Variants in ZHX2 observed in about 807,000 individuals in gnomAD.
The protein encoded by ZHX2 is zinc fingers and homeoboxes protein 2.
In ZHX2, 6 loss-of-function variants were observed where a neutral mutation model predicts 21.9. The observed-to-expected ratio is 0.27, with a 90% CI of 0.15 to 0.54. The LOEUF (loss-of-function observed/expected upper bound fraction) is 0.54. ZHX2 is among the 20% of genes least tolerant of loss of function. The pLI, the probability that ZHX2 is intolerant of heterozygous loss-of-function variation, is 0.95. For synonymous variants in ZHX2, 434 were observed against 437.1 expected (o/e 0.99, Z 0.09); for missense variants, 908 against 1,090.7 (o/e 0.83, Z 2.36).
chr8:122,921,745 A>G (rs1820746775), intron 2 of ZHX2, among the ~76,000 whole-genome samples: 1 of 152,162 alleles, frequency 6.6e-6, no homozygotes, highest in African/African-American at 2.4e-5. Context: ...TATCAACTCA[A>G]TTGTGGTGAG....
At chr8:122,837,361 G>A (rs1818525921) in intron 1 of ZHX2, among the ~76,000 whole-genome samples, 1 of 152,120 alleles carries the variant, frequency 6.6e-6, no homozygotes, top group Admixed American at 6.5e-5. Flanking sequence ...AACCCCATCT[G>A]AGCAATGGGT....
chr8:122,965,493 T>C (rs1813557841), intron 3 of ZHX2, among the ~76,000 whole-genome samples: 1 of 152,204 alleles, frequency 6.6e-6, no homozygotes, highest in Non-Finnish European at 1.5e-5. Flanking sequence ...CCAATGTTAT[T>C]CCACTGTAGT....
At chr8:122,964,298 A>G (rs1360422051) in intron 3 of ZHX2, among the ~76,000 whole-genome samples, 1 of 152,126 alleles carries the variant, frequency 6.6e-6, no homozygotes, top group East Asian at 1.9e-4. Flanking sequence ...GATGGCTTTT[A>G]TTACCTCAAG....
chr8:122,962,328 T>C (rs1462506088), intron 3 of ZHX2, among the ~76,000 whole-genome samples: 1 of 152,184 alleles, frequency 6.6e-6, no homozygotes, highest in Non-Finnish European at 1.5e-5. Flanking sequence ...TCTTATGCCT[T>C]TGCTTCCTCA....
chr8:122,898,554 C>T (rs926709167), intron 2 of ZHX2, among the ~76,000 whole-genome samples: 18 of 152,146 alleles, frequency 1.2e-4, no homozygotes, highest in Non-Finnish European at 2.1e-4. Context: ...ATTGTCTTCC[C>T]GTCTCCCCTT....
At chr8:122,792,790 C>T (rs1270994006) in intron 1 of ZHX2, among the ~76,000 whole-genome samples, 2 of 152,132 alleles carry the variant, frequency 1.3e-5, no homozygotes, top group Non-Finnish European at 2.9e-5. Flanking sequence ...AGGTACCCAG[C>T]GTGCAAAATT....
intron 2 of ZHX2, among the ~76,000 whole-genome samples, chr8:122,912,965 C>G (rs1278756190): frequency 6.6e-6 from 1 of 152,156 alleles, no homozygotes; most frequent in Non-Finnish European, 1.5e-5. Context: ...GCGACCATCA[C>G]CATAATTTTA....
intron 1 of ZHX2, among the ~76,000 whole-genome samples, chr8:122,796,802 A>T (rs1817621223): frequency 6.6e-6 from 1 of 152,184 alleles, no homozygotes; most frequent in African/African-American, 2.4e-5. Flanking sequence ...CTATATAGTG[A>T]CAAGACAAAG....
chr8:122,961,698 C>A (rs1270920231), intron 3 of ZHX2, among the ~76,000 whole-genome samples: 1 of 152,112 alleles, frequency 6.6e-6, no homozygotes, highest in Non-Finnish European at 1.5e-5. Context: ...CATGAGAACT[C>A]ACTCACTATC....
intron 1 of ZHX2, among the ~76,000 whole-genome samples, chr8:122,818,676 A>C (rs970481664): frequency 1.3e-5 from 2 of 152,228 alleles, no homozygotes; most frequent in African/African-American, 2.4e-5. Context: ...TCTTACGATG[A>C]AACTTGGCAT....
At position 122,953,724 on chromosome 8, in the gene ZHX2, C is replaced by G. The variant is rs749127429; in HGVS notation, c.2214C>G (p.Cys738Trp). 6.2e-7 allele frequency: 1 copy of G among 1,614,188 alleles called. No homozygotes were observed. The highest frequency in any genetic ancestry group is 8.5e-7 in the Non-Finnish European group (1 of 1,180,046). ...ATTACAAGGACCCCAAAAAGCTCTG[C>G]GAAGAGGACTTGGAGAAGTTGGTGA... is the stretch of plus-strand genomic sequence containing the variant. ...PQYYKDPKKL[C>W]EEDLEKLVTR... The change falls in exon 3 of 4, where the codon TGC becomes TGG. Residue 738 changes from cysteine to tryptophan, a missense_variant. Cys to Trp is a radical substitution (Grantham distance 215). Transcript: ENST00000314393. This position sits in a 1 kb window ranked among gnomAD's most constrained non-coding sequence, Gnocchi z 4.6.
At chr8:122,875,441 G>A (rs745410278) in intron 2 of ZHX2, among the ~76,000 whole-genome samples, 1 of 152,076 alleles carries the variant, frequency 6.6e-6, no homozygotes, top group Non-Finnish European at 1.5e-5. Flanking sequence ...AAAGAACACA[G>A]GCAGTAGTGT....
intron 1 of ZHX2, among the ~76,000 whole-genome samples, chr8:122,793,291 C>A (rs1817555377): frequency 6.6e-6 from 1 of 152,166 alleles, no homozygotes; most frequent in South Asian, 2.1e-4. Flanking sequence ...ACCCAGGGAC[C>A]AGGAAGTGGC....
chr8:122,804,122 A>AT (rs904867758), intron 1 of ZHX2, among the ~76,000 whole-genome samples: 13 of 152,094 alleles, frequency 8.5e-5, no homozygotes, highest in Admixed American at 2.6e-4. Flanking sequence ...ATATTTATTT[A>AT]TTTTTTGAGA....
In ZHX2 at chr8:122,909,494, C is replaced by T. The variant is rs190665231; in HGVS notation, c.-219-41798C>T. Reference sequence around the variant, plus strand: ...GGGACAACTTTGTGAATACTCGTTGCTCTTTAATTTTTAGAGTTTGCATCC... The same window carrying T: ...GGGACAACTTTGTGAATACTCGTTGTTCTTTAATTTTTAGAGTTTGCATCC... On this transcript the variant is annotated intron_variant, in intron 2 of 3. Coordinates refer to ENST00000314393, the MANE Select transcript of ZHX2 (RefSeq NM_014943.5). Among the ~76,000 whole-genome samples the T allele has an allele frequency of 2.7e-3, 410 of 152,028 alleles. 1 individual carries two copies. The highest frequency in any genetic ancestry group is 4.5e-3 in the Non-Finnish European group (308 of 67,990).
rs547975177 is a variant in ZHX2 at position 122,791,820 on chromosome 8, A to G, written c.-283+9874A>G. Among the ~76,000 whole-genome samples, 246 of 151,596 alleles carry G rather than the reference A, an allele frequency of 1.6e-3. 1 individual carries two copies. The highest frequency in any genetic ancestry group is 5.2e-3 in the African/African-American group (213 of 41,308). ...GTGGAGGTTGCAATGAGCCGAGATC[A>G]TGCCACTGCACTCCAGCCTGGGCAA... On this transcript the variant is annotated intron_variant, in intron 1 of 3. Coordinates refer to ENST00000314393, the MANE Select transcript of ZHX2 (RefSeq NM_014943.5).
intron 2 of ZHX2, among the ~76,000 whole-genome samples, chr8:122,911,135 C>CA (rs1448233303): frequency 6.6e-6 from 1 of 152,196 alleles, no homozygotes; most frequent in African/African-American, 2.4e-5. Context: ...ATAAAACATA[C>CA]TTCTCACTGT....
At chr8:122,932,377 C>T (rs942478762) in intron 2 of ZHX2, among the ~76,000 whole-genome samples, 2 of 152,170 alleles carry the variant, frequency 1.3e-5, no homozygotes, top group African/African-American at 2.4e-5. Flanking sequence ...AAGGTATTGG[C>T]GGGCCGGCTC....
chr8:122,844,387 C>T (rs1022436900), intron 1 of ZHX2, among the ~76,000 whole-genome samples: 7 of 152,238 alleles, frequency 4.6e-5, no homozygotes, highest in Admixed American at 2.0e-4. Flanking sequence ...AACCATGCCA[C>T]CTTCTCTGAG....
Sources: allele counts gnomAD v4.1 joint callset (sites outside exome capture counted in the v4.1 genomes callset), GRCh38; gene constraint gnomAD v4.1.1; non-coding constraint Gnocchi (gnomAD v3.1); transcripts MANE v1.5; gene names NCBI Gene and HGNC (gene_info 2026-07-23, HGNC 2026-07-21).